LAMA2: variants seen among roughly 807,000 people sequenced by gnomAD.
LAMA2 encodes laminin subunit alpha 2, also known as laminin subunit alpha-2.
LAMA2 carries 269 observed loss-of-function variants against 364.8 expected under a neutral mutation model. The ratio of observed to expected loss-of-function variants is 0.74; its 90% CI spans 0.67 to 0.82. The LOEUF is 0.82. Among genes scored for constraint, LAMA2 ranks in the 40% least tolerant of loss-of-function variants. The pLI, the probability that LAMA2 is intolerant of heterozygous loss-of-function variation, is 0.00. For missense variants in LAMA2, 3,807 were observed against 3,873.2 expected (o/e 0.98, Z 0.45); for synonymous variants, 1,379 against 1,370.6 (o/e 1.01, Z -0.14).
Position 129,302,595 on chromosome 6 carries a change from A to C in LAMA2, c.3174+1723A>C, listed in dbSNP as rs143381464. Among the ~76,000 whole-genome samples, 12 of 152,196 alleles carry C rather than the reference A, an allele frequency of 7.9e-5. No homozygotes were observed. In the East Asian group the frequency reaches 2.3e-3, roughly 29 times the overall value. ...CCATGTTTTCTTCAAGAAGTTTTAG[A>C]GTTTTAGCTCTTAAATGTAGGTTTG... On this transcript the variant is annotated intron_variant, in intron 22 of 64. Coordinates refer to ENST00000421865, the MANE Select transcript of LAMA2 (RefSeq NM_000426.4).
intron 1 of LAMA2, among the ~76,000 whole-genome samples, chr6:129,047,319 C>G (rs114774727): frequency 6.6e-6 from 1 of 152,074 alleles, no homozygotes; most frequent in Non-Finnish European, 1.5e-5. Context: ...ATTAGCTTTC[C>G]TTATGTCACA....
rs919063602 is a variant in LAMA2, at chr6:129,210,540, G to A, written c.1782+17687G>A. ...TTGGAATGGGAGAGAAAGGAGACTT[G>A]GCAGAACCAGAATATTGCGTGAGGA... On this transcript the variant is annotated intron_variant, in intron 12 of 64. Coordinates refer to ENST00000421865, the MANE Select transcript of LAMA2 (RefSeq NM_000426.4). 5.9e-5 allele frequency among the ~76,000 whole-genome samples: 9 copies of A among 152,140 alleles called. No individual in the cohort carries two copies. The South Asian group carries it at 1.7e-3, about 28-fold the overall frequency.
chr6:129,190,437 T>C, intron 11 of LAMA2, 92 bp downstream of exon 11: 1 of 1,276,458 alleles, frequency 7.8e-7, no homozygotes, highest in Non-Finnish European at 1.1e-6. Context: ...TTTCTGATAG[T>C]GAACTTCTAC....
intron 32 of LAMA2, among the ~76,000 whole-genome samples, chr6:129,364,914 G>A (rs981461651): frequency 1.3e-5 from 2 of 152,304 alleles, no homozygotes; most frequent in Admixed American, 1.3e-4. Flanking sequence ...CTTCACACAG[G>A]CAGAGCAGGA....
At chr6:129,038,299 G>C (rs1426456933) in intron 1 of LAMA2, among the ~76,000 whole-genome samples, 1 of 152,062 alleles carries the variant, frequency 6.6e-6, no homozygotes, top group African/African-American at 2.4e-5. Flanking sequence ...CATTTTGTCA[G>C]TTATAATCAA....
intron 12 of LAMA2, among the ~76,000 whole-genome samples, chr6:129,208,676 AG>A (rs1782867585): frequency 7.0e-6 from 1 of 142,858 alleles, no homozygotes; most frequent in African/African-American, 2.6e-5. Flanking sequence ...AAAGAGAAAG[AG>A]AAGGAAAGAA....
At chr6:129,117,897 T>C (rs1390721934) in intron 4 of LAMA2, among the ~76,000 whole-genome samples, 1 of 152,194 alleles carries the variant, frequency 6.6e-6, no homozygotes, top group South Asian at 2.1e-4. Context: ...GCTGATGGTA[T>C]AGTCTGCGTG....
chr6:129,051,011 AT>A (rs1275107474), intron 2 of LAMA2, among the ~76,000 whole-genome samples: 1 of 151,842 alleles, frequency 6.6e-6, no homozygotes, highest in Non-Finnish European at 1.5e-5. Context: ...TAGAGGGGAA[AT>A]AGAGGCAAAA....
At chr6:128,908,443 C>T (rs1466610290) in intron 1 of LAMA2, among the ~76,000 whole-genome samples, 1 of 149,604 alleles carries the variant, frequency 6.7e-6, no homozygotes, top group Non-Finnish European at 1.5e-5. Flanking sequence ...ATAGTATTCT[C>T]TGATGGTAGT....
chr6:129,294,838 A>T (rs565164608), intron 20 of LAMA2, among the ~76,000 whole-genome samples: 1 of 152,222 alleles, frequency 6.6e-6, no homozygotes, highest in Non-Finnish European at 1.5e-5. Context: ...AGGCCTGATT[A>T]CTATTATTAT....
chr6:129,433,460 A>G (rs1213668431), intron 41 of LAMA2, among the ~76,000 whole-genome samples: 3 of 152,160 alleles, frequency 2.0e-5, no homozygotes, highest in Admixed American at 2.0e-4. Context: ...CAAAATCTGA[A>G]CACAGTCACT....
intron 1 of LAMA2, among the ~76,000 whole-genome samples, chr6:128,928,592 C>A (rs951294963): frequency 6.6e-6 from 1 of 152,180 alleles, no homozygotes; most frequent in South Asian, 2.1e-4. Flanking sequence ...CTTATTCTTA[C>A]GATAGAATTC....
intron 41 of LAMA2, among the ~76,000 whole-genome samples, chr6:129,428,376 G>A (rs940410160): frequency 3.3e-5 from 5 of 152,224 alleles, no homozygotes; most frequent in Non-Finnish European, 7.3e-5. Context: ...TGAAGTTACC[G>A]TGAGTTGTGA....
intron 1 of LAMA2, among the ~76,000 whole-genome samples, chr6:128,950,463 A>G (rs1780741900): frequency 6.6e-6 from 1 of 152,196 alleles, no homozygotes; most frequent in Non-Finnish European, 1.5e-5. Context: ...GAACTTGAGT[A>G]TCATAATATT....
intron 1 of LAMA2, among the ~76,000 whole-genome samples, chr6:129,005,102 C>T (rs1784361615): frequency 6.6e-6 from 1 of 151,838 alleles, no homozygotes; most frequent in African/African-American, 2.4e-5. Context: ...AATAAAAAGT[C>T]CTATAGGTTA....
chr6:128,988,844 T>C (rs1490625795), intron 1 of LAMA2, among the ~76,000 whole-genome samples: 1 of 152,202 alleles, frequency 6.6e-6, no homozygotes, highest in Non-Finnish European at 1.5e-5. Context: ...TGTTAGATTC[T>C]CAAATTAATA....
chr6:128,932,044 G>GA (rs67882436), intron 1 of LAMA2, among the ~76,000 whole-genome samples: 1 of 151,840 alleles, frequency 6.6e-6, no homozygotes, highest in Non-Finnish European at 1.5e-5. Context: ...ATAATAAAAG[G>GA]AAAAAAACCT....
chr6:129,304,356 C>T (rs902599226), intron 22 of LAMA2, among the ~76,000 whole-genome samples: 9 of 152,090 alleles, frequency 5.9e-5, no homozygotes, highest in Non-Finnish European at 8.8e-5. Context: ...CTCCGCCTCC[C>T]GGGTTCACGC....
intron 18 of LAMA2, among the ~76,000 whole-genome samples, chr6:129,282,452 A>G (rs973435922): frequency 6.6e-6 from 1 of 152,088 alleles, no homozygotes; most frequent in Non-Finnish European, 1.5e-5. Context: ...GCCCATTTCA[A>G]GTTGTTTTCT....
Sources: allele counts gnomAD v4.1 joint callset (sites outside exome capture counted in the v4.1 genomes callset), GRCh38; gene constraint gnomAD v4.1.1; transcripts MANE v1.5; gene names NCBI Gene and HGNC (gene_info 2026-07-23, HGNC 2026-07-21).